Variants in PHF3 observed in about 807,000 individuals in gnomAD.
PHF3 encodes the protein PHD finger protein 3.
In PHF3, 41 loss-of-function variants were observed where a neutral mutation model predicts 178.4. That is an observed-to-expected ratio of 0.23 (90% CI 0.18 to 0.30). The LOEUF is 0.30. Among genes scored for constraint, PHF3 ranks in the 10% least tolerant of loss-of-function variants. The pLI, the probability that PHF3 is intolerant of heterozygous loss-of-function variation, is 1.00. For synonymous variants in PHF3, 842 were observed against 800.5 expected, an observed-to-expected ratio of 1.05 and a Z score of -0.88; for missense variants, 2,346 against 2,398.1, an observed-to-expected ratio of 0.98 and a Z score of 0.45.
At chr6:63,647,211 T>C (rs1764829142) in intron 2 of PHF3, among the ~76,000 whole-genome samples, 1 of 152,042 alleles carries the variant, frequency 6.6e-6, no homozygotes, top group Non-Finnish European at 1.5e-5. Context: ...ATGGCTGAAT[T>C]GACCTTTCTC....
intron 11 of PHF3, 104 bp from the exon 12 acceptor site, chr6:63,705,925 A>T: frequency 1.3e-6 from 1 of 788,892 alleles, no homozygotes; most frequent in Non-Finnish European, 2.0e-6. Flanking sequence ...ATGGTTACTC[A>T]GCAATTGAAT....
chr6:63,689,632 A>G (rs913174421), intron 4 of PHF3, among the ~76,000 whole-genome samples: 2 of 152,176 alleles, frequency 1.3e-5, no homozygotes, highest in Admixed American at 6.5e-5. Flanking sequence ...AGATGGCACT[A>G]GAGTTTTGCT....
At position 63,684,146 on chromosome 6, in the gene PHF3, C is replaced by T. The variant is rs1279320982; in HGVS notation, c.424C>T (p.Arg142Ter). The change falls in exon 4 of 16, where the codon CGA becomes TGA. Residue 142 changes from arginine to a stop codon, truncating the protein, a stop_gained. Transcript: ENST00000262043. LOFTEE classifies it high-confidence loss of function. ...TGTGATAGAACAAGTAAGAAGTTTG[C>T]GACAGAGCACTATTGCCAAGCGTTC... ...LMAQEQVRSL[R>*]QSTIAKRSNA... is the part of the protein sequence containing the mutation. The T allele has an allele frequency of 1.9e-6, 3 of 1,603,254 alleles. No homozygotes were observed. Among genetic ancestry groups the T allele is most frequent in the Admixed American group, 1.7e-5 (1 of 57,672 alleles).
intron 1 of PHF3, among the ~76,000 whole-genome samples, chr6:63,638,674 A>G (rs1764449921): frequency 6.6e-6 from 1 of 152,082 alleles, no homozygotes; most frequent in Non-Finnish European, 1.5e-5. Flanking sequence ...TCTTTCTGAC[A>G]AGTGGCTGCT....
intron 12 of PHF3, among the ~76,000 whole-genome samples, 196 bp from the exon 13 acceptor site, chr6:63,706,533 C>T (rs1481588458): frequency 6.6e-6 from 1 of 152,098 alleles, no homozygotes; most frequent in African/African-American, 2.4e-5. Context: ...TCTCCTAAGC[C>T]AGCCAAGAGG....
chr6:63,698,469 A>G lies in PHF3; in HGVS notation c.2846A>G (p.Lys949Arg), dbSNP rs1364157212. 4 of 1,594,096 alleles carry G rather than the reference A, an allele frequency of 2.5e-6. No individual in the cohort carries two copies. Among genetic ancestry groups the G allele is most frequent in the Non-Finnish European group, 3.4e-6 (4 of 1,173,056 alleles). ...LMKRLTDSNL[K>R]VPEEKAAKVA... is the part of the protein sequence containing the mutation. Reference sequence around the variant, plus strand: ...TTAAGACTTACAGACTCAAATTTGAAGGTACCAGAGGAAAAGGCAGCAAAA... The same window carrying G: ...TTAAGACTTACAGACTCAAATTTGAGGGTACCAGAGGAAAAGGCAGCAAAA... The change falls in exon 8 of 16, where the codon AAG (lysine) becomes AGG (arginine). Residue 949 changes from lysine (K) to arginine (R), a missense_variant. Transcript: ENST00000262043.
intron 2 of PHF3, among the ~76,000 whole-genome samples, chr6:63,652,991 TA>T (rs1765080320): frequency 6.6e-6 from 1 of 151,676 alleles, no homozygotes; most frequent in African/African-American, 2.4e-5. Context: ...TTATTATTAT[TA>T]TTTTTTGCTC....
rs72884629 is a variant in PHF3, at chr6:63,645,467, A to G, written c.-25-1060A>G. On this transcript the variant is annotated intron_variant, in intron 1 of 15. Coordinates refer to ENST00000262043, the MANE Select transcript of PHF3 (RefSeq NM_001370348.2). ...ATATAACTAGTGAATGTTAGCATGT[A>G]TCTGAAATTCTTCCCTCATTTTTAT... is the stretch of plus-strand genomic sequence containing the variant. 9.4e-3 allele frequency among the ~76,000 whole-genome samples: 1,424 copies of G among 152,296 alleles called. 8 individuals carry two copies. The highest frequency in any genetic ancestry group is 0.02 in the Middle Eastern group (6 of 294).
At chr6:63,651,552 G>T (rs1052124250) in intron 2 of PHF3, among the ~76,000 whole-genome samples, 1 of 152,086 alleles carries the variant, frequency 6.6e-6, no homozygotes, top group African/African-American at 2.4e-5. Context: ...GGTAGAGACA[G>T]GGTTTCACCA....
intron 12 of PHF3, 74 bp from the exon 13 acceptor site, chr6:63,706,655 G>A (rs1166223065): frequency 4.2e-6 from 6 of 1,416,406 alleles, no homozygotes; most frequent in Non-Finnish European, 5.8e-6. Flanking sequence ...GCTAAAATAC[G>A]AGTAACTGAT....
rs1452044257 is a variant in PHF3, at chr6:63,720,874, G to A, written c.*7166G>A. On this transcript the variant is annotated 3_prime_UTR_variant, in exon 16 of 16. Coordinates refer to ENST00000262043, the MANE Select transcript of PHF3 (RefSeq NM_001370348.2). ...TTTATGTAGGCCTTGATAAGAGTCT[G>A]ATTTTGAATTACAACTACATGGTGC... The A allele has an allele frequency of 1.3e-6, 2 of 1,550,882 alleles. No individual in the cohort carries two copies.
chr6:63,699,236 TA>T (rs2149599287), intron 8 of PHF3, among the ~76,000 whole-genome samples: 1 of 152,302 alleles, frequency 6.6e-6, no homozygotes, highest in African/African-American at 2.4e-5. Context: ...AGGTCTCTGA[TA>T]AGTACAATAA....
rs572181776 is a variant in PHF3, at chr6:63,703,753, A to T, written c.3367+82A>T. 1.2e-5 allele frequency: 17 copies of T among 1,384,602 alleles called. No individual in the cohort carries two copies. In the Admixed American group the frequency reaches 1.9e-4, roughly 15 times the overall value. 85.8% of individuals were successfully genotyped at this position (1,384,602 alleles called of 1,614,324 possible). ...AGATACTAGTATATGTAATTTAAGTAGGTTTTGTTTTCCCAATATTGGTGG... is the reference window on the plus strand; with the variant it reads ...AGATACTAGTATATGTAATTTAAGTTGGTTTTGTTTTCCCAATATTGGTGG... On this transcript the variant is annotated intron_variant, in intron 11 of 15. Coordinates refer to ENST00000262043, the MANE Select transcript of PHF3 (RefSeq NM_001370348.2).
intron 2 of PHF3, among the ~76,000 whole-genome samples, chr6:63,655,375 C>G (rs1433449441): frequency 6.6e-6 from 1 of 152,012 alleles, no homozygotes; most frequent in Non-Finnish European, 1.5e-5. Flanking sequence ...CCATGCCCGG[C>G]CTGTTTTTGT....
chr6:63,698,619 G>A lies in PHF3; in HGVS notation c.2982+14G>A. 2 of 1,527,284 alleles carry A rather than the reference G, an allele frequency of 1.3e-6. No individual in the cohort carries two copies. Among genetic ancestry groups the A allele is most frequent in the Non-Finnish European group, 1.8e-6 (2 of 1,137,392 alleles). The allele number at this position is 1,527,284 out of a possible 1,614,324, so 94.6% of individuals were successfully genotyped here. On this transcript the variant is annotated intron_variant, in intron 8 of 15. Coordinates refer to ENST00000262043, the MANE Select transcript of PHF3 (RefSeq NM_001370348.2). ...CCTAAAAACAATGTAAGTATGCTTT[G>A]TTCATATGTTTATGCTTCCAACTTT...
rs536687335 is a variant in PHF3 at position 63,661,174 on chromosome 6, C to T, written c.244+14379C>T. Among the ~76,000 whole-genome samples the T allele has an allele frequency of 1.8e-4, 28 of 152,210 alleles. 1 individual carries two copies. In the South Asian group the frequency reaches 5.6e-3, roughly 30 times the overall value. ...AATTATTCATGGAGGTTTAGCCATA[C>T]TTTAATTATTAAAGATATTTAAATA... is the stretch of plus-strand genomic sequence containing the variant. On this transcript the variant is annotated intron_variant, in intron 2 of 15. Transcript: ENST00000262043.
chr6:63,679,606 C>G (rs1406018063), intron 2 of PHF3: 2 of 287,642 alleles, frequency 7.0e-6, no homozygotes, highest in East Asian at 1.6e-4. Context: ...ATTTTTGATT[C>G]TAGCATGAAC....
In PHF3 at chr6:63,715,042, C is replaced by T. The variant is rs1768141470; in HGVS notation, c.*1334C>T. On this transcript the variant is annotated 3_prime_UTR_variant, in exon 16 of 16. Transcript: ENST00000262043. ...AAAGAGAACTCTATTATTTACTTAC[C>T]TGTATTAATGAAGAAAAATATAAAT... 1 of 152,012 alleles carries T rather than the reference C, an allele frequency of 6.6e-6. No individual in the cohort carries two copies. The highest frequency in any genetic ancestry group is 1.5e-5 in the Non-Finnish European group (1 of 67,972). 9.4% of individuals were successfully genotyped at this position (152,012 alleles called of 1,614,324 possible). A position where few individuals can be genotyped will look rare whatever the true frequency, so the allele number is the denominator to read the frequency against.
At chr6:63,693,538 C>T (rs754382326) in intron 5 of PHF3, among the ~76,000 whole-genome samples, 1 of 152,254 alleles carries the variant, frequency 6.6e-6, no homozygotes, top group Non-Finnish European at 1.5e-5. Context: ...TCGCTTGAAC[C>T]TGACGGAGGT....
Sources: allele counts gnomAD v4.1 joint callset (sites outside exome capture counted in the v4.1 genomes callset), GRCh38; gene constraint gnomAD v4.1.1; transcripts MANE v1.5; gene names NCBI Gene and HGNC (gene_info 2026-07-23, HGNC 2026-07-21).